The following GRM3 variants were observed in gnomAD, a reference collection of about 807,000 sequenced individuals.
The protein encoded by GRM3 is glutamate metabotropic receptor 3.
A neutral mutation model predicts 70.5 loss-of-function variants in GRM3; 26 were observed. That is an observed-to-expected ratio of 0.37 (90% CI 0.27 to 0.51). The LOEUF (loss-of-function observed/expected upper bound fraction) is 0.51. Ranked by LOEUF, GRM3 falls within the 20% of genes least tolerant of loss-of-function variation. The probability of loss-of-function intolerance (pLI) is 0.93; values close to 1 mark genes in which losing one functional copy is unlikely to be tolerated. For missense variants in GRM3, 859 were observed against 1,123.8 expected (o/e 0.76, Z 3.37); for synonymous variants, 443 against 434.9 (o/e 1.02, Z -0.23).
rs184559214 is a variant in GRM3, at chr7:86,662,707, A to T, written c.-141+17835A>T. ...CTGTAATATATCTCCTTAATACTTAACTTTTAGAAATCAATTTCTGAAGCT... is the reference window on the plus strand; with the variant it reads ...CTGTAATATATCTCCTTAATACTTATCTTTTAGAAATCAATTTCTGAAGCT... On this transcript the variant is annotated intron_variant, in intron 1 of 5. Coordinates refer to ENST00000361669, the MANE Select transcript of GRM3 (RefSeq NM_000840.3). Among the ~76,000 whole-genome samples the T allele has an allele frequency of 1.1e-4, 16 of 152,114 alleles. No homozygotes were observed. The East Asian group carries it at 3.1e-3, about 29-fold the overall frequency.
intron 1 of GRM3, among the ~76,000 whole-genome samples, chr7:86,723,221 C>T (rs545927608): frequency 6.9e-6 from 1 of 145,966 alleles, no homozygotes; most frequent in African/African-American, 2.5e-5. Flanking sequence ...TTGAGTTCTA[C>T]ATCCATAAAA....
intron 1 of GRM3, among the ~76,000 whole-genome samples, chr7:86,707,402 T>G (rs1031269503): frequency 6.6e-6 from 1 of 152,116 alleles, no homozygotes; most frequent in South Asian, 2.1e-4. Context: ...TGTGATGAAT[T>G]AAGGAGGGCT....
At chr7:86,650,470 A>G (rs1300585391) in intron 1 of GRM3, among the ~76,000 whole-genome samples, 1 of 152,136 alleles carries the variant, frequency 6.6e-6, no homozygotes, top group African/African-American at 2.4e-5. Flanking sequence ...ACAATAATCA[A>G]TGAAAGGGAG....
intron 1 of GRM3, among the ~76,000 whole-genome samples, chr7:86,735,097 T>C (rs1272342331): frequency 6.6e-6 from 1 of 152,154 alleles, no homozygotes; most frequent in Non-Finnish European, 1.5e-5. Flanking sequence ...ATAGTTAAGC[T>C]TAATCCACAA....
At chr7:86,756,795 C>T (rs1006588504) in intron 1 of GRM3, among the ~76,000 whole-genome samples, 1 of 152,256 alleles carries the variant, frequency 6.6e-6, no homozygotes, top group South Asian at 2.1e-4. Context: ...TATTTTCTCT[C>T]ATTCATCTCT....
intron 1 of GRM3, among the ~76,000 whole-genome samples, chr7:86,729,275 A>T (rs1352186957): frequency 1.3e-5 from 2 of 152,212 alleles, no homozygotes; most frequent in Non-Finnish European, 2.9e-5. Flanking sequence ...TAAAGTGATG[A>T]TGATAGTGTT....
intron 1 of GRM3, among the ~76,000 whole-genome samples, chr7:86,697,696 TC>T (rs1225609595): frequency 2.4e-4 from 37 of 151,880 alleles, no homozygotes; most frequent in African/African-American, 8.7e-4. Context: ...TGAAATGATT[TC>T]CCTAAAAAAA....
chr7:86,839,143 G>A lies in GRM3; in HGVS notation c.1629G>A (p.Glu543=), dbSNP rs746808957. 10 of 1,614,134 alleles carry A rather than the reference G, an allele frequency of 6.2e-6. No homozygotes were observed. The highest frequency in any genetic ancestry group is 8.5e-6 in the Non-Finnish European group (10 of 1,179,990). ...AACCCTACGAATACCTGGCTGATGAGTTTACCTGTATGGATTGTGGGTCTG... is the reference window on the plus strand; with the variant it reads ...AACCCTACGAATACCTGGCTGATGAATTTACCTGTATGGATTGTGGGTCTG... ...PCEPYEYLAD[E]FTCMDCGSGQ... Residue 543 remains glutamate (E), a synonymous_variant, in exon 4 of 6, where the codon GAG becomes GAA. Coordinates refer to ENST00000361669, the MANE Select transcript of GRM3 (RefSeq NM_000840.3). This position sits in a 1 kb window ranked among gnomAD's most constrained non-coding sequence, Gnocchi z 4.5.
intron 1 of GRM3, among the ~76,000 whole-genome samples, chr7:86,714,645 A>G (rs1795275435): frequency 6.6e-6 from 1 of 152,068 alleles, no homozygotes; most frequent in Non-Finnish European, 1.5e-5. Flanking sequence ...AAATCTTTGC[A>G]TCCATTTAAA....
At chr7:86,846,266 G>A (rs182244804) in intron 4 of GRM3, among the ~76,000 whole-genome samples, 3 of 152,254 alleles carry the variant, frequency 2.0e-5, no homozygotes, top group Admixed American at 1.3e-4. Flanking sequence ...TGTCATCTTG[G>A]AATGAATCTA....
intron 5 of GRM3, among the ~76,000 whole-genome samples, chr7:86,860,579 TAAG>T (rs1271820247): frequency 6.6e-6 from 1 of 152,214 alleles, no homozygotes; most frequent in African/African-American, 2.4e-5. Context: ...CTATTTCTTG[TAAG>T]AAGACCTTGA....
At chr7:86,758,996 C>T (rs1226714048) in intron 1 of GRM3, among the ~76,000 whole-genome samples, 1 of 151,948 alleles carries the variant, frequency 6.6e-6, no homozygotes, top group African/African-American at 2.4e-5. Context: ...ATGATTTGAC[C>T]TAATGTTTTT....
At chr7:86,746,341 T>TTTTATATATATATATATATA (rs1388333232) in intron 1 of GRM3, among the ~76,000 whole-genome samples, 998 of 87,088 alleles carry the variant, frequency 0.011, 23 homozygotes, top group African/African-American at 0.013. Context: ...CAGTCATGTA[T>TTTTATATATATATATATATA]TATATATATA....
At chr7:86,807,676 T>G (rs1282433244) in intron 3 of GRM3, among the ~76,000 whole-genome samples, 1 of 152,144 alleles carries the variant, frequency 6.6e-6, no homozygotes, top group Non-Finnish European at 1.5e-5. Context: ...AAATATACAA[T>G]CATGTCATCT....
At chr7:86,664,548 T>G (rs1431343244) in intron 1 of GRM3, among the ~76,000 whole-genome samples, 2 of 151,970 alleles carry the variant, frequency 1.3e-5, no homozygotes, top group Admixed American at 6.6e-5. Flanking sequence ...ATCTCAATTG[T>G]TTTTGACACA....
At chr7:86,784,417 A>G (rs1797169411) in intron 2 of GRM3, 1 of 152,196 alleles carries the variant, frequency 6.6e-6, no homozygotes, top group Admixed American at 6.5e-5. Context: ...TGTATCAAGA[A>G]GAGATGGCCT....
intron 5 of GRM3, among the ~76,000 whole-genome samples, chr7:86,863,619 A>G (rs1798999875): frequency 6.6e-6 from 1 of 152,196 alleles, no homozygotes; most frequent in African/African-American, 2.4e-5. Context: ...TTGAACAATG[A>G]AAATATATCA....
intron 2 of GRM3, among the ~76,000 whole-genome samples, chr7:86,770,626 C>T (rs1269772803): frequency 6.6e-6 from 1 of 152,074 alleles, no homozygotes; most frequent in Non-Finnish European, 1.5e-5. Flanking sequence ...AGGGGACCAC[C>T]GCTGGTCAAT....
At chr7:86,728,472 A>G (rs188707854) in intron 1 of GRM3, among the ~76,000 whole-genome samples, 21 of 152,338 alleles carry the variant, frequency 1.4e-4, no homozygotes, top group Admixed American at 9.2e-4. Context: ...ACTATAGTCA[A>G]CTCAGCCTCA....
Sources: allele counts gnomAD v4.1 joint callset (sites outside exome capture counted in the v4.1 genomes callset), GRCh38; gene constraint gnomAD v4.1.1; non-coding constraint Gnocchi (gnomAD v3.1); transcripts MANE v1.5; gene names NCBI Gene and HGNC (gene_info 2026-07-23, HGNC 2026-07-21).